NHSL2: variants seen among roughly 807,000 people sequenced by gnomAD.
NHSL2 encodes the protein NHS-like protein 2.
NHSL2 carries 27 observed loss-of-function variants against 53.4 expected under a neutral mutation model. The ratio of observed to expected loss-of-function variants is 0.51; its 90% CI spans 0.37 to 0.70. The LOEUF (loss-of-function observed/expected upper bound fraction) is 0.70, where lower values mean the gene tolerates loss of function less well. Ranked by LOEUF, NHSL2 falls within the 30% of genes least tolerant of loss-of-function variation. The pLI, the probability that NHSL2 is intolerant of heterozygous loss-of-function variation, is 0.00. For synonymous variants in NHSL2, 408 were observed against 404.1 expected (o/e 1.01, Z -0.12); for missense variants, 892 against 980.1 (o/e 0.91, Z 1.20).
chrX:72,062,777 CT>C (rs926945326), intron 1 of NHSL2, among the ~76,000 whole-genome samples: 1 of 112,649 alleles, frequency 8.9e-6, no homozygotes, highest in African/African-American at 3.2e-5. Flanking sequence ...TAGGAGCCCC[CT>C]GTGGGCAGCA....
chrX:71,994,980 T>A (rs1047369232), intron 1 of NHSL2, among the ~76,000 whole-genome samples: 1 of 111,459 alleles, frequency 9.0e-6, no homozygotes, highest in African/African-American at 3.3e-5. Flanking sequence ...ATCTCAGACT[T>A]GACCTATTCA....
chrX:72,139,537 C>T lies in NHSL2; in HGVS notation c.1989C>T (p.Val663=), dbSNP rs1196444017. ...SSSSTATGTT[V]IECTQVQGSS... ...CCAGCACTGCCACTGGCACCACAGTCATTGAGTGCACCCAAGTTCAGGGCA... is the reference window on the plus strand; with the variant it reads ...CCAGCACTGCCACTGGCACCACAGTTATTGAGTGCACCCAAGTTCAGGGCA... The change falls in exon 6 of 8, where the codon GTC becomes GTT. Residue 663 remains valine, a synonymous_variant. Coordinates refer to ENST00000633930, the MANE Select transcript of NHSL2 (RefSeq NM_001013627.3). 3 of 1,211,112 alleles carry T rather than the reference C, an allele frequency of 2.5e-6. No individual in the cohort carries two copies. In the South Asian group the frequency reaches 5.3e-5, roughly 21 times the overall value.
At position 72,030,496 on chromosome X, in the gene NHSL2, A is replaced by ATGTG. The variant is rs58930948; in HGVS notation, c.281-101567_281-101564dup. 3.7e-3 allele frequency among the ~76,000 whole-genome samples: 402 copies of ATGTG among 109,873 alleles called. 1 individual carries two copies. Among genetic ancestry groups the ATGTG allele is most frequent in the African/African-American group, 0.013 (387 of 30,116 alleles). ...CATTTCAATGAAGTTGTATATGTAT[A>ATGTG]TGTGTGTGTGTGTGTGTGTATACAT... is the stretch of plus-strand genomic sequence containing the variant. On this transcript the variant is annotated intron_variant, in intron 1 of 7. Transcript: ENST00000633930.
intron 1 of NHSL2, among the ~76,000 whole-genome samples, chrX:72,090,224 C>T (rs747529484): frequency 6.3e-5 from 7 of 110,616 alleles, no homozygotes; most frequent in African/African-American, 1.3e-4. Flanking sequence ...CCACCTCACC[C>T]GGCTAATTTT....
intron 1 of NHSL2, among the ~76,000 whole-genome samples, chrX:72,095,487 T>C (rs1426023979): frequency 4.5e-5 from 5 of 112,336 alleles, no homozygotes; most frequent in Non-Finnish European, 9.4e-5. Context: ...CCAAGAATTC[T>C]GATTTGAGAT....
chrX:72,098,241 G>A (rs2041958422), intron 1 of NHSL2, among the ~76,000 whole-genome samples: 1 of 111,799 alleles, frequency 8.9e-6, no homozygotes, highest in South Asian at 3.6e-4. Flanking sequence ...GAAGGAGAGA[G>A]GAAAGAGAAG....
chrX:71,918,802 C>T (rs755666091), intron 1 of NHSL2, among the ~76,000 whole-genome samples: 30 of 111,395 alleles, frequency 2.7e-4, no homozygotes, highest in African/African-American at 8.5e-4. Context: ...TTGCATTAGC[C>T]AGAAAAAGGA....
At chrX:71,986,774 A>G (rs2042004678) in intron 1 of NHSL2, among the ~76,000 whole-genome samples, 2 of 111,802 alleles carry the variant, frequency 1.8e-5, no homozygotes, top group South Asian at 7.4e-4. Context: ...AAATTCTGGC[A>G]CCAAATCAGT....
At chrX:72,105,713 G>A (rs2042032615) in intron 1 of NHSL2, among the ~76,000 whole-genome samples, 1 of 111,805 alleles carries the variant, frequency 8.9e-6, no homozygotes, top group Non-Finnish European at 1.9e-5. Context: ...CACAAGGCCT[G>A]TGAGCTACCC....
At chrX:72,047,597 T>C (rs2042312228) in intron 1 of NHSL2, among the ~76,000 whole-genome samples, 2 of 112,082 alleles carry the variant, frequency 1.8e-5, no homozygotes, top group Admixed American at 1.9e-4. Context: ...TTTAGCTCAA[T>C]AGTTGTCTCC....
Position 72,112,199 on chromosome X carries a change from G to A in NHSL2, c.281-19880G>A, listed in dbSNP as rs187794618. Among the ~76,000 whole-genome samples the A allele has an allele frequency of 5.5e-5, 6 of 109,863 alleles. No homozygotes were observed. The East Asian group carries it at 1.7e-3, about 32-fold the overall frequency. ...TGATAAGAAAAGAGCCAGCAAGCAG[G>A]GAGAGGCAGAGGCCGGATCATTCAG... is the stretch of plus-strand genomic sequence containing the variant. On this transcript the variant is annotated intron_variant, in intron 1 of 7. Coordinates refer to ENST00000633930, the MANE Select transcript of NHSL2 (RefSeq NM_001013627.3).
intron 1 of NHSL2, chrX:72,129,019 T>C (rs917292995): frequency 8.0e-5 from 9 of 112,749 alleles, no homozygotes; most frequent in African/African-American, 2.9e-4. Context: ...GAGCCTGCAA[T>C]GTTGGGCGCT....
chrX:72,061,320 G>A (rs1276599532), intron 1 of NHSL2, among the ~76,000 whole-genome samples: 1 of 112,462 alleles, frequency 8.9e-6, no homozygotes, highest in African/African-American at 3.2e-5. Flanking sequence ...AAGGAAGCCA[G>A]GCAGACCTGG....
chrX:71,911,195 G>C lies in NHSL2; in HGVS notation c.108G>C (p.Leu36=). The change falls in exon 1 of 8, where the codon CTG becomes CTC. Residue 36 remains leucine (L), a synonymous_variant. Transcript: ENST00000633930. The stretch of plus-strand genomic sequence containing the variant: ...TGAGCCACCTGGCAGCGCTCAGCCT[G>C]CTCCGGCAGCTCGCCGACCTCTGTG... ...RDVSHLAALS[L]LRQLADLCGH... is the part of the protein sequence containing the mutation. The C allele has an allele frequency of 8.7e-7, 1 of 1,146,334 alleles. No homozygotes were observed. The highest frequency in any genetic ancestry group is 1.2e-6 in the Non-Finnish European group (1 of 868,312). 94.5% of individuals were successfully genotyped at this position (1,146,334 alleles called of 1,213,427 possible).
intron 1 of NHSL2, among the ~76,000 whole-genome samples, chrX:72,124,608 G>C (rs888367138): frequency 9.0e-6 from 1 of 111,647 alleles, no homozygotes; most frequent in Non-Finnish European, 1.9e-5. Flanking sequence ...CATTCCTGGA[G>C]ATTTTGTTTC....
chrX:72,053,059 C>T (rs1350372916), intron 1 of NHSL2, among the ~76,000 whole-genome samples: 1 of 111,975 alleles, frequency 8.9e-6, no homozygotes, highest in Admixed American at 9.4e-5. Context: ...ATTTAAACAG[C>T]CATAACAATA....
At chrX:71,999,879 T>C (rs2042065221) in intron 1 of NHSL2, among the ~76,000 whole-genome samples, 1 of 112,318 alleles carries the variant, frequency 8.9e-6, no homozygotes, top group Non-Finnish European at 1.9e-5. Flanking sequence ...TCAACCATCA[T>C]TCATTTAGGA....
chrX:72,136,928 C>G (rs892067399), intron 4 of NHSL2, among the ~76,000 whole-genome samples, 166 bp from the exon 5 acceptor site: 6 of 112,091 alleles, frequency 5.4e-5, no homozygotes, highest in African/African-American at 2.0e-4. Flanking sequence ...GGAAACCCAG[C>G]ATGCATTCCC....
At chrX:71,911,410 C>T in intron 1 of NHSL2, 43 bp downstream of exon 1, 1 of 1,014,819 alleles carries the variant, frequency 9.9e-7, no homozygotes, top group Non-Finnish European at 1.3e-6. Flanking sequence ...GCGTCTACCC[C>T]GCCTCTAGGG....
Sources: gnomAD v4.1 joint callset for allele counts (sites outside exome capture counted in the v4.1 genomes callset) on GRCh38, gnomAD v4.1.1 for gene constraint, MANE v1.5 for transcripts, NCBI Gene and HGNC (gene_info 2026-07-23, HGNC 2026-07-21) for gene names.